ITPKB: variants seen among roughly 807,000 people sequenced by gnomAD.
The protein encoded by ITPKB is inositol-trisphosphate 3-kinase B.
In ITPKB, 13 loss-of-function variants were observed where a neutral mutation model predicts 69.4. The observed-to-expected ratio is 0.19, with a 90% CI of 0.12 to 0.30. ITPKB has a LOEUF of 0.30. Among genes scored for constraint, ITPKB ranks in the 10% least tolerant of loss-of-function variants. The probability of loss-of-function intolerance (pLI) is 1.00; values close to 1 mark genes in which losing one functional copy is unlikely to be tolerated. For missense variants in ITPKB, 1,240 were observed against 1,250.5 expected (o/e 0.99, Z 0.13); for synonymous variants, 584 against 513.7 (o/e 1.14, Z -1.85).
At chr1:226,635,071 G>A (rs1571831620) in intron 7 of ITPKB, among the ~76,000 whole-genome samples, 185 bp from the exon 8 acceptor site, 1 of 152,294 alleles carries the variant, frequency 6.6e-6, no homozygotes, top group Non-Finnish European at 1.5e-5. Context: ...CCTGGGCAGA[G>A]GGCATCGGGT....
In ITPKB at chr1:226,642,772, A is replaced by G. The variant is rs1668987279; in HGVS notation, c.2247-647T>C. On this transcript the variant is annotated intron_variant, in intron 4 of 7. Coordinates refer to ENST00000429204, the MANE Select transcript of ITPKB (RefSeq NM_002221.4). The surrounding 1 kb of genome is among the most constrained non-coding windows in gnomAD (Gnocchi z 6.4). ...CCATAAAGCGAGGGCTTCCAAAGCC[A>G]GAACCTGTCCTGGTGGGAGAAGTGG... Among the ~76,000 whole-genome samples the G allele has an allele frequency of 6.6e-6, 1 of 152,144 alleles. No individual in the cohort carries two copies. The highest frequency in any genetic ancestry group is 2.4e-5 in the African/African-American group (1 of 41,430).
intron 2 of ITPKB, among the ~76,000 whole-genome samples, chr1:226,705,306 G>C (rs939142831): frequency 6.6e-6 from 1 of 151,770 alleles, no homozygotes; most frequent in African/African-American, 2.4e-5. Flanking sequence ...AAGGCGGGCA[G>C]GTCACCTGAG....
chr1:226,732,762 G>A (rs759065516), intron 2 of ITPKB, among the ~76,000 whole-genome samples: 19 of 152,218 alleles, frequency 1.2e-4, no homozygotes, highest in Non-Finnish European at 2.2e-4. Flanking sequence ...CACTATCCTT[G>A]CTCAGTGCAA....
intron 2 of ITPKB, among the ~76,000 whole-genome samples, chr1:226,690,535 CG>C (rs1656325216): frequency 2.0e-5 from 2 of 102,426 alleles, no homozygotes; most frequent in Non-Finnish European, 4.4e-5. Flanking sequence ...ACTCCTCCTA[CG>C]TCAAGCACTC....
intron 2 of ITPKB, among the ~76,000 whole-genome samples, chr1:226,700,934 T>C (rs932375034): frequency 1.3e-5 from 2 of 152,240 alleles, no homozygotes; most frequent in African/African-American, 2.4e-5. Flanking sequence ...TTTGCAGCTT[T>C]TGCTTTGACT....
intron 2 of ITPKB, among the ~76,000 whole-genome samples, chr1:226,734,397 G>A (rs578181730): frequency 5.1e-4 from 77 of 152,348 alleles, no homozygotes; most frequent in African/African-American, 1.8e-3. Flanking sequence ...AGAATGCAGA[G>A]TAGAAACATA....
At position 226,736,885 on chromosome 1, in the gene ITPKB, C is replaced by A. The variant is rs144805708; in HGVS notation, c.574G>T (p.Val192Phe). 4.3e-6 allele frequency: 7 copies of A among 1,610,576 alleles called. No individual in the cohort carries two copies. The African/African-American group carries it at 6.7e-5, about 15-fold the overall frequency. ...SSSQPPGRVL[V>F]QGARSEERRT... ...CGTTCCTCGCTCCGGGCGCCCTGAACCAGGACCCTTCCAGGGGGCTGACTG... is the reference window on the plus strand; with the variant it reads ...CGTTCCTCGCTCCGGGCGCCCTGAAACAGGACCCTTCCAGGGGGCTGACTG... The change falls in exon 2 of 8, where the codon GTT becomes TTT. Residue 192 changes from valine to phenylalanine, a missense_variant. This residue lies in a region of ITPKB where 992 missense variants were observed against 853.8 expected (regional missense o/e 1.16). Transcript: ENST00000429204.
Position 226,649,831 on chromosome 1 carries a change from CAAACA to C in ITPKB, c.1933-1065_1933-1061del, listed in dbSNP as rs938335217. Among the ~76,000 whole-genome samples, 6 of 130,776 alleles carry C rather than the reference CAAACA, an allele frequency of 4.6e-5. 1 individual carries two copies. Among genetic ancestry groups the C allele is most frequent in the East Asian group, 2.6e-4 (1 of 3,902 alleles). The allele number at this position is 130,776 out of a possible 152,430, so 85.8% of individuals were successfully genotyped here. On this transcript the variant is annotated intron_variant, in intron 2 of 7. Coordinates refer to ENST00000429204, the MANE Select transcript of ITPKB (RefSeq NM_002221.4). The stretch of plus-strand genomic sequence containing the variant: ...AAATTCTTTTCTTCCCCAGCAAAAA[CAAACA>C]AAACAAAACAAAAAAACAAAAAAAA...
At chr1:226,684,986 C>T (rs565942599) in intron 2 of ITPKB, among the ~76,000 whole-genome samples, 1 of 152,342 alleles carries the variant, frequency 6.6e-6, no homozygotes, top group Non-Finnish European at 1.5e-5. Context: ...ACAGGTCCTA[C>T]ATGGGGAGAG....
chr1:226,653,417 C>T (rs1669232853), intron 2 of ITPKB, among the ~76,000 whole-genome samples: 1 of 152,204 alleles, frequency 6.6e-6, no homozygotes, highest in Admixed American at 6.5e-5. Context: ...AGCCAGGGTG[C>T]CAGCCCAGTG....
In ITPKB at chr1:226,737,298, G is replaced by T; in HGVS notation, c.161C>A (p.Ala54Asp). 1 of 1,567,990 alleles carries T rather than the reference G, an allele frequency of 6.4e-7. No individual in the cohort carries two copies. Among genetic ancestry groups the T allele is most frequent in the Non-Finnish European group, 8.6e-7 (1 of 1,164,370 alleles). The part of the protein sequence containing the change: ...PGSVFSPGRG[A>D]SFLFPPAESL... The stretch of plus-strand genomic sequence containing the variant: ...CTCGGCTGGGGGGAAGAGGAAAGAG[G>T]CGCCTCTCCCGGGGCTGAAAACGCT... Residue 54 changes from alanine to aspartate, a missense_variant, in exon 2 of 8, where the codon GCC becomes GAC. Physicochemically the swap from Ala to Asp is moderately radical, Grantham distance 126 (BLOSUM62 -2). Coordinates refer to ENST00000429204, the MANE Select transcript of ITPKB (RefSeq NM_002221.4).
intron 2 of ITPKB, among the ~76,000 whole-genome samples, chr1:226,690,681 G>A (rs1425947908): frequency 2.6e-5 from 4 of 152,246 alleles, no homozygotes; most frequent in South Asian, 2.1e-4. Flanking sequence ...AGACACAGTC[G>A]CACACACTTC....
At chr1:226,718,291 A>T (rs1466377101) in intron 2 of ITPKB, among the ~76,000 whole-genome samples, 2 of 74,844 alleles carry the variant, frequency 2.7e-5, no homozygotes, top group Admixed American at 3.0e-4. Flanking sequence ...AAGACTTCTC[A>T]AAAAAAAAAA....
At chr1:226,684,539 A>T (rs927363662) in intron 2 of ITPKB, among the ~76,000 whole-genome samples, 2 of 152,166 alleles carry the variant, frequency 1.3e-5, no homozygotes, top group African/African-American at 4.8e-5. Context: ...ACAAACCTGA[A>T]ATCAGACTTG....
chr1:226,688,464 T>C (rs1656267834), intron 2 of ITPKB, among the ~76,000 whole-genome samples: 2 of 151,740 alleles, frequency 1.3e-5, no homozygotes, highest in South Asian at 4.2e-4. Context: ...ATCTTTGGCA[T>C]TAGATAGTAA....
chr1:226,723,054 G>A (rs941443957), intron 2 of ITPKB, among the ~76,000 whole-genome samples: 1 of 152,066 alleles, frequency 6.6e-6, no homozygotes, highest in Non-Finnish European at 1.5e-5. Context: ...CTGTGGTGAC[G>A]CCAGTCCGTG....
chr1:226,657,768 T>G (rs1235481677), intron 2 of ITPKB, among the ~76,000 whole-genome samples: 1 of 152,232 alleles, frequency 6.6e-6, no homozygotes, highest in Non-Finnish European at 1.5e-5. Flanking sequence ...CTTCCAGGTT[T>G]GTGCCACTTA....
chr1:226,655,270 A>C (rs992817988), intron 2 of ITPKB, among the ~76,000 whole-genome samples: 1 of 152,262 alleles, frequency 6.6e-6, no homozygotes, highest in African/African-American at 2.4e-5. Context: ...TCCAAAATTC[A>C]GTAAGAATGT....
intron 2 of ITPKB, among the ~76,000 whole-genome samples, chr1:226,691,414 G>A (rs564997050): frequency 6.6e-6 from 1 of 152,080 alleles, no homozygotes; most frequent in Admixed American, 6.5e-5. Context: ...TGGCTGGGGG[G>A]ACTCTGCATG....
Sources: allele counts gnomAD v4.1 joint callset (sites outside exome capture counted in the v4.1 genomes callset), GRCh38; gene constraint gnomAD v4.1.1; regional missense constraint gnomAD v4.1.1; non-coding constraint Gnocchi (gnomAD v3.1); transcripts MANE v1.5; gene names NCBI Gene and HGNC (gene_info 2026-07-23, HGNC 2026-07-21).